The following ZFYVE9 variants were observed in gnomAD, a reference collection of about 807,000 sequenced individuals.
ZFYVE9 encodes the protein zinc finger FYVE-type containing 9, also known as zinc finger FYVE domain-containing protein 9.
Under a neutral mutation model 126.7 loss-of-function variants are expected in ZFYVE9, and 43 were observed. The observed-to-expected ratio is 0.34, with a 90% CI of 0.27 to 0.44. The LOEUF (loss-of-function observed/expected upper bound fraction) is 0.44. ZFYVE9 is among the 20% of genes least tolerant of loss of function. The pLI, the probability that ZFYVE9 is intolerant of heterozygous loss-of-function variation, is 1.00. For missense variants in ZFYVE9, 1,476 were observed against 1,697.0 expected (o/e 0.87, Z 2.29); for synonymous variants, 521 against 597.4 (o/e 0.87, Z 1.87).
rs376379860 is a variant in ZFYVE9 at position 52,293,376 on chromosome 1, C to CAAA, written c.3026-57_3026-55dup. ...CCTGGGCAACAGCCAGACTCCGTCTCAAAAAAAAAAAAAAAAAAAAAAGAA... is the reference window on the plus strand; with the variant it reads ...CCTGGGCAACAGCCAGACTCCGTCTCAAAAAAAAAAAAAAAAAAAAAAAAAGAA... On this transcript the variant is annotated intron_variant, in intron 10 of 18. Transcript: ENST00000287727. 1.6e-3 allele frequency: 968 copies of CAAA among 602,994 alleles called. 7 individuals are homozygous for CAAA. Among genetic ancestry groups the CAAA allele is most frequent in the African/African-American group, 9.3e-3 (266 of 28,728 alleles). The allele number at this position is 602,994 out of a possible 1,614,324, so 37.4% of individuals were successfully genotyped here. A position where few individuals can be genotyped will look rare whatever the true frequency, so the allele number is the denominator to read the frequency against.
At chr1:52,249,927 T>G (rs992405969) in intron 4 of ZFYVE9, among the ~76,000 whole-genome samples, 4 of 152,234 alleles carry the variant, frequency 2.6e-5, no homozygotes, top group Admixed American at 2.6e-4. Context: ...CTGGACCATA[T>G]AAGTGAGAGT....
chr1:52,172,902 C>T (rs1644587336), intron 1 of ZFYVE9, among the ~76,000 whole-genome samples: 1 of 151,976 alleles, frequency 6.6e-6, no homozygotes, highest in African/African-American at 2.4e-5. Flanking sequence ...AGATTTTGGG[C>T]TGAGACAATG....
chr1:52,243,659 G>A (rs1572129906), intron 4 of ZFYVE9, among the ~76,000 whole-genome samples: 2 of 152,168 alleles, frequency 1.3e-5, no homozygotes, highest in South Asian at 4.2e-4. Flanking sequence ...GGGTGGCACA[G>A]GCCTGTTGTC....
intron 1 of ZFYVE9, among the ~76,000 whole-genome samples, chr1:52,167,572 G>A (rs181552113): frequency 2.0e-5 from 3 of 152,086 alleles, no homozygotes; most frequent in Admixed American, 2.0e-4. Context: ...TGATGCCACC[G>A]TCACTTGTAG....
At chr1:52,318,366 T>C (rs1646205650) in intron 13 of ZFYVE9, among the ~76,000 whole-genome samples, 1 of 83,914 alleles carries the variant, frequency 1.2e-5, no homozygotes. Context: ...GAGAGCATGA[T>C]TGTATGTGTG....
intron 12 of ZFYVE9, among the ~76,000 whole-genome samples, chr1:52,299,087 C>T (rs181804699): frequency 2.6e-3 from 402 of 152,220 alleles, no homozygotes; most frequent in Non-Finnish European, 4.6e-3. Context: ...GGATTACAGG[C>T]GTGAGCCACC....
At chr1:52,240,828 T>G (rs1306883094) in intron 4 of ZFYVE9, among the ~76,000 whole-genome samples, 2 of 152,076 alleles carry the variant, frequency 1.3e-5, no homozygotes, top group African/African-American at 4.8e-5. Context: ...ATTGGCCAAT[T>G]TTAGACCATA....
intron 2 of ZFYVE9, among the ~76,000 whole-genome samples, chr1:52,232,418 C>G (rs1007508226): frequency 2.0e-5 from 3 of 152,030 alleles, no homozygotes; most frequent in Non-Finnish European, 2.9e-5. Context: ...AAATGGTACT[C>G]GAAGAGGGTT....
intron 1 of ZFYVE9, among the ~76,000 whole-genome samples, chr1:52,188,851 T>G (rs1309280406): frequency 6.6e-6 from 1 of 152,150 alleles, no homozygotes; most frequent in Non-Finnish European, 1.5e-5. Context: ...AAGTGTAGAA[T>G]TCAGTAGTTT....
chr1:52,148,349 A>G (rs990738457), intron 1 of ZFYVE9, among the ~76,000 whole-genome samples: 6 of 151,726 alleles, frequency 4.0e-5, no homozygotes, highest in African/African-American at 1.2e-4. Flanking sequence ...TCACCACTAT[A>G]TGGTGGCAGA....
At chr1:52,310,270 T>C (rs1002212350) in intron 13 of ZFYVE9, among the ~76,000 whole-genome samples, 2 of 152,174 alleles carry the variant, frequency 1.3e-5, no homozygotes, top group African/African-American at 4.8e-5. Context: ...CTCATGTTGT[T>C]ACAATGAGAT....
chr1:52,314,610 G>C (rs1322763327), intron 13 of ZFYVE9, among the ~76,000 whole-genome samples: 1 of 152,170 alleles, frequency 6.6e-6, no homozygotes, highest in East Asian at 1.9e-4. Flanking sequence ...CTGAGCTCAG[G>C]AGTTCGAGAC....
Position 52,293,686 on chromosome 1 carries a change from T to G in ZFYVE9, c.3250+9T>G, listed in dbSNP as rs1645946962. ...TGGAGCTGAATATCGACGTAAGTAGTAAAAACACGTTTTTCAAGGCATGAT... is the reference window on the plus strand; with the variant it reads ...TGGAGCTGAATATCGACGTAAGTAGGAAAAACACGTTTTTCAAGGCATGAT... On this transcript the variant is annotated intron_variant, in intron 11 of 18. Transcript: ENST00000287727. 1 of 1,610,932 alleles carries G rather than the reference T, an allele frequency of 6.2e-7. No individual in the cohort carries two copies. The highest frequency in any genetic ancestry group is 1.3e-5 in the African/African-American group (1 of 74,806).
chr1:52,193,643 G>T (rs1644834946), intron 1 of ZFYVE9, among the ~76,000 whole-genome samples: 2 of 140,902 alleles, frequency 1.4e-5, no homozygotes, highest in African/African-American at 5.4e-5. Flanking sequence ...GAAGAAGGAG[G>T]TTGCAGTGAG....
chr1:52,276,660 G>A (rs895196393), intron 8 of ZFYVE9, among the ~76,000 whole-genome samples: 3 of 152,054 alleles, frequency 2.0e-5, no homozygotes, highest in Admixed American at 6.5e-5. Context: ...CCTCTCTACT[G>A]TAGACTTCCT....
intron 10 of ZFYVE9, among the ~76,000 whole-genome samples, chr1:52,285,982 C>T (rs904864835): frequency 6.6e-6 from 1 of 152,064 alleles, no homozygotes; most frequent in Non-Finnish European, 1.5e-5. Context: ...TGGTGAAACC[C>T]CATCTCTACT....
intron 17 of ZFYVE9, among the ~76,000 whole-genome samples, chr1:52,341,860 G>T (rs536393355): frequency 6.6e-6 from 1 of 152,322 alleles, no homozygotes; most frequent in East Asian, 1.9e-4. Flanking sequence ...GCTATGTAAT[G>T]ATTCGTCCCT....
At position 52,268,529 on chromosome 1, in the gene ZFYVE9, C is replaced by T. The variant is rs1344642549; in HGVS notation, c.2522C>T (p.Ala841Val). The T allele has an allele frequency of 6.2e-7, 1 of 1,614,154 alleles. No individual in the cohort carries two copies. Among genetic ancestry groups the T allele is most frequent in the Non-Finnish European group, 8.5e-7 (1 of 1,180,006 alleles). The change falls in exon 7 of 19, where the codon GCT becomes GTT. Residue 841 changes from alanine (A) to valine (V), a missense_variant. Ala to Val is a moderately conservative substitution (Grantham distance 64). Coordinates refer to ENST00000287727, the MANE Select transcript of ZFYVE9 (RefSeq NM_004799.4). ...ADGILPNGEV[A>V]DAAKLTMNGT... ...GGGATCTTGCCCAATGGAGAAGTTG[C>T]TGATGCAGCCAAATTAACAATGAAT... is the stretch of plus-strand genomic sequence containing the variant.
intron 1 of ZFYVE9, among the ~76,000 whole-genome samples, chr1:52,152,419 TTGAACTCTCAGA>T (rs1349797066): frequency 2.0e-5 from 3 of 152,220 alleles, no homozygotes; most frequent in Non-Finnish European, 4.4e-5. Context: ...ATCCGAGACT[TTGAACTCTCAGA>T]TGATAGGCCC....
Sources: gnomAD v4.1 joint callset for allele counts (sites outside exome capture counted in the v4.1 genomes callset) on GRCh38, gnomAD v4.1.1 for gene constraint, MANE v1.5 for transcripts, NCBI Gene and HGNC (gene_info 2026-07-23, HGNC 2026-07-21) for gene names.